The following ZNF638 variants were observed in gnomAD, a reference collection of about 807,000 sequenced individuals.
The protein encoded by ZNF638 is zinc finger protein 638, also known as CTCL tumor antigen se33-1.
A neutral mutation model predicts 195.6 loss-of-function variants in ZNF638; 46 were observed. The observed-to-expected ratio is 0.24, with a 90% confidence interval of 0.19 to 0.30. The LOEUF is 0.30. Ranked by LOEUF, ZNF638 falls within the 10% of genes least tolerant of loss-of-function variation. The pLI is 1.00. For synonymous variants in ZNF638, 845 were observed against 772.0 expected, an observed-to-expected ratio of 1.09 and a Z score of -1.57; for missense variants, 2,440 against 2,325.3, an observed-to-expected ratio of 1.05 and a Z score of -1.01.
intron 15 of ZNF638, 137 bp downstream of exon 15, chr2:71,400,655 G>T: frequency 1.4e-6 from 1 of 691,998 alleles, no homozygotes. Flanking sequence ...TTTAAAACAT[G>T]ATTTTTAGAA....
At chr2:71,411,080 C>G in intron 20 of ZNF638, among the ~76,000 whole-genome samples, 1 of 148,842 alleles carries the variant, frequency 6.7e-6, no homozygotes, top group Admixed American at 6.8e-5. Flanking sequence ...TCACTGCAGC[C>G]TCCACCTGCC....
intron 8 of ZNF638, among the ~76,000 whole-genome samples, chr2:71,373,374 G>T (rs1395003082): frequency 1.4e-5 from 2 of 145,770 alleles, no homozygotes; most frequent in African/African-American, 2.5e-5. Context: ...ATTTTGCATT[G>T]TATGTAAGAA....
At chr2:71,359,173 A>T (rs2079069770) in intron 3 of ZNF638, among the ~76,000 whole-genome samples, 1 of 152,148 alleles carries the variant, frequency 6.6e-6, no homozygotes, top group South Asian at 2.1e-4. Context: ...TGGCTTACAC[A>T]ATTATGGAGG....
At chr2:71,380,353 C>A in intron 9 of ZNF638, 73 bp downstream of exon 9, 2 of 1,201,548 alleles carry the variant, frequency 1.7e-6, no homozygotes, top group Non-Finnish European at 2.3e-6. Context: ...TTTTTAAAAC[C>A]GCATTTTAAA....
intron 3 of ZNF638, among the ~76,000 whole-genome samples, chr2:71,357,284 A>T (rs944268924): frequency 3.3e-5 from 5 of 152,242 alleles, no homozygotes; most frequent in Non-Finnish European, 7.4e-5. Flanking sequence ...GGTTTGTGTC[A>T]TATGTCTGCT....
At chr2:71,399,697 A>G (rs1489330553) in intron 13 of ZNF638, 52 bp downstream of exon 13, 1 of 1,480,436 alleles carries the variant, frequency 6.8e-7, no homozygotes, top group South Asian at 1.2e-5. Flanking sequence ...CTTTTTTTTA[A>G]CTTTTTAAGT....
Position 71,426,990 on chromosome 2 carries a change from T to C in ZNF638, c.5121T>C (p.Thr1707=), listed in dbSNP as rs78435553. 7,040 of 1,612,276 alleles carry C rather than the reference T, an allele frequency of 4.4e-3. 263 individuals carry two copies. In the African/African-American group the frequency reaches 0.083, roughly 19 times the overall value. The part of the protein sequence containing the change: ...SADITFATLN[T]KGNEGDTVRD... ...ACATAACTTTTGCCACTTTAAATAC[T>C]AAAGGAAATGAAGGAGATACTGTAA... is the stretch of plus-strand genomic sequence containing the variant. Residue 1707 remains threonine (T), a synonymous_variant, in exon 24 of 28, where the codon ACT becomes ACC. Transcript: ENST00000264447.
intron 5 of ZNF638, among the ~76,000 whole-genome samples, chr2:71,364,544 A>AT (rs905160745): frequency 6.6e-6 from 1 of 151,954 alleles, no homozygotes. Flanking sequence ...TTTTGAGATT[A>AT]TTTTTTTTAA....
intron 1 of ZNF638, among the ~76,000 whole-genome samples, chr2:71,334,120 G>A (rs1209576901): frequency 6.6e-6 from 1 of 152,064 alleles, no homozygotes; most frequent in Non-Finnish European, 1.5e-5. Flanking sequence ...TGATTGTTAC[G>A]TTAGTCTTTG....
chr2:71,370,590 T>C (rs903697954), intron 8 of ZNF638, among the ~76,000 whole-genome samples: 2 of 152,194 alleles, frequency 1.3e-5, no homozygotes, highest in African/African-American at 4.8e-5. Flanking sequence ...TAAAAAGCTA[T>C]ATGTATATCT....
rs1356227139 is a variant in ZNF638 at position 71,365,403 on chromosome 2, A to T, written c.1718-26A>T. On this transcript the variant is annotated intron_variant, in intron 5 of 27. Transcript: ENST00000264447. ...TCCTACCTTAATTTTTTTCCAATTGAAATTATATTTATATCTTTTTACTAG... is the reference window on the plus strand; with the variant it reads ...TCCTACCTTAATTTTTTTCCAATTGTAATTATATTTATATCTTTTTACTAG... The T allele has an allele frequency of 2.0e-6, 3 of 1,524,224 alleles. No homozygotes were observed. The African/African-American group carries it at 4.3e-5, about 22-fold the overall frequency. The allele number at this position is 1,524,224 out of a possible 1,614,324, so 94.4% of individuals were successfully genotyped here.
chr2:71,395,313 C>T (rs980270253), intron 10 of ZNF638: 21 of 716,750 alleles, frequency 2.9e-5, no homozygotes, highest in South Asian at 7.4e-5. Context: ...CACATCTGTA[C>T]TCTTCAATCA....
At chr2:71,390,755 A>G (rs1281012324) in intron 10 of ZNF638, among the ~76,000 whole-genome samples, 3 of 152,148 alleles carry the variant, frequency 2.0e-5, no homozygotes, top group Admixed American at 2.0e-4. Context: ...TAGTTATCAA[A>G]ACTGGTCAGA....
At chr2:71,399,301 G>T (rs2079958730) in intron 12 of ZNF638, among the ~76,000 whole-genome samples, 1 of 152,102 alleles carries the variant, frequency 6.6e-6, no homozygotes, top group South Asian at 2.1e-4. Flanking sequence ...TTGCGTGTGT[G>T]TGATTACAAT....
chr2:71,433,525 C>A (rs1191995879), intron 27 of ZNF638: 1 of 360,018 alleles, frequency 2.8e-6, no homozygotes, highest in African/African-American at 2.1e-5. Flanking sequence ...ATATGACACT[C>A]CATTATTAAA....
At chr2:71,353,738 A>G (rs768822592) in intron 2 of ZNF638, among the ~76,000 whole-genome samples, 13 of 152,196 alleles carry the variant, frequency 8.5e-5, no homozygotes, top group Non-Finnish European at 1.9e-4. Context: ...AAAAGCTGGA[A>G]ATCTGGACTT....
rs556217390 is a variant in ZNF638 at position 71,434,724 on chromosome 2, G to A, written c.5872-18G>A. 1.3e-6 allele frequency: 2 copies of A among 1,499,914 alleles called. No individual in the cohort carries two copies. The highest frequency in any genetic ancestry group is 3.2e-5 in the African/African-American group (2 of 62,102). 92.9% of individuals were successfully genotyped at this position (1,499,914 alleles called of 1,614,324 possible). On this transcript the variant is annotated intron_variant, in intron 27 of 27. Coordinates refer to ENST00000264447, the MANE Select transcript of ZNF638 (RefSeq NM_014497.5). ...TAACGTCTAATAAGTATTTTATATT[G>A]CAAATTGCTTTTAACAGAAATTCAT...
chr2:71,395,224 C>T (rs2079867867), intron 10 of ZNF638: 1 of 717,182 alleles, frequency 1.4e-6, no homozygotes, highest in East Asian at 2.7e-5. Context: ...TCATGTTTGT[C>T]TTATGTTATT....
rs775391313 is a variant in ZNF638 at position 71,410,992 on chromosome 2, CT to C, written c.3261+2765del. On this transcript the variant is annotated intron_variant, in intron 20 of 27. Coordinates refer to ENST00000264447, the MANE Select transcript of ZNF638 (RefSeq NM_014497.5). Reference sequence around the variant, plus strand: ...CTCCCCACCCACCACCTCCCCCCCCCTTTTTTTTTTTTTTTTTTTTGTCGAG... The same window carrying C: ...CTCCCCACCCACCACCTCCCCCCCCCTTTTTTTTTTTTTTTTTTTGTCGAG... Among the ~76,000 whole-genome samples, 18 of 24,504 alleles carry C rather than the reference CT, an allele frequency of 7.3e-4. No individual in the cohort carries two copies. In the East Asian group the frequency reaches 7.5e-3, roughly 10 times the overall value. The allele number at this position is 24,504 out of a possible 152,430, so 16.1% of individuals were successfully genotyped here. A position where few individuals can be genotyped will look rare whatever the true frequency, so the allele number is the denominator to read the frequency against.
Sources: gnomAD v4.1 joint callset for allele counts (sites outside exome capture counted in the v4.1 genomes callset) on GRCh38, gnomAD v4.1.1 for gene constraint, MANE v1.5 for transcripts, NCBI Gene and HGNC (gene_info 2026-07-23, HGNC 2026-07-21) for gene names.